Variants in SPTBN2 observed in about 807,000 individuals in gnomAD.
The protein encoded by SPTBN2 is spectrin beta, non-erythrocytic 2, also known as spectrin beta chain, non-erythrocytic 2.
SPTBN2 carries 107 observed loss-of-function variants against 284.2 expected under a neutral mutation model. That is an observed-to-expected ratio of 0.38 (90% CI 0.32 to 0.44). The LOEUF (loss-of-function observed/expected upper bound fraction) is 0.44. SPTBN2 is among the 20% of genes least tolerant of loss of function. The probability of loss-of-function intolerance (pLI) is 1.00; values close to 1 mark genes in which losing one functional copy is unlikely to be tolerated. For synonymous variants in SPTBN2, 1,289 were observed against 1,354.8 expected, an observed-to-expected ratio of 0.95 and a Z score of 1.07; for missense variants, 2,569 against 3,287.1, an observed-to-expected ratio of 0.78 and a Z score of 5.34.
rs866476391 is a variant in SPTBN2 at position 66,691,328 on chromosome 11, G to A, written c.5521C>T (p.Arg1841Ter). 1.3e-6 allele frequency: 2 copies of A among 1,553,118 alleles called. No individual in the cohort carries two copies. Among genetic ancestry groups the A allele is most frequent in the Non-Finnish European group, 8.7e-7 (1 of 1,145,630 alleles). ...ATGTCATGCTCGTAGGCACAGTGTC[G>A]GCGCTGCAGGGCCTCGGCAGCGTTG... is the stretch of plus-strand genomic sequence containing the variant. ...DLNAAEALQR[R>*]HCAYEHDIQA... The change falls in exon 27 of 38, where the codon CGA becomes TGA. Residue 1841 changes from arginine (R) to a stop codon, truncating the protein, a stop_gained. Coordinates refer to ENST00000533211, the MANE Select transcript of SPTBN2 (RefSeq NM_006946.4). LOFTEE classifies it high-confidence loss of function. The surrounding 1 kb of genome is among the most constrained non-coding windows in gnomAD (Gnocchi z 8.0).
chr11:66,738,982 A>AT (rs553267610), intron 1 of SPTBN2, among the ~76,000 whole-genome samples: 150 of 149,654 alleles, frequency 1.0e-3, no homozygotes, highest in Middle Eastern at 3.5e-3. Flanking sequence ...TGCCTAATTT[A>AT]TTTTTTGTAA....
In SPTBN2 at chr11:66,700,936, G is replaced by T. The variant is rs138022806; in HGVS notation, c.3163C>A (p.Arg1055=). 6.1e-5 allele frequency: 98 copies of T among 1,603,218 alleles called. No homozygotes were observed. The highest frequency in any genetic ancestry group is 3.3e-4 in the Middle Eastern group (2 of 6,064). ...TGWEDLRATM[R]RREESLGEAR... ...TCCCCCAGCGACTCTTCTCGACGCC[G>T]CATGGTGGCCCTGAGGTCCTCCCAG... The change falls in exon 17 of 38, where the codon CGG becomes AGG. Residue 1055 remains arginine, a synonymous_variant. Transcript: ENST00000533211. This position sits in a 1 kb window ranked among gnomAD's most constrained non-coding sequence, Gnocchi z 6.6.
chr11:66,694,738 T>G (rs1940807958), intron 21 of SPTBN2, among the ~76,000 whole-genome samples: 1 of 152,216 alleles, frequency 6.6e-6, no homozygotes, highest in Non-Finnish European at 1.5e-5. Context: ...TCATTGTCTC[T>G]CCATCCCCAA....
Position 66,700,453 on chromosome 11 carries a change from C to G in SPTBN2, c.3573+73G>C, listed in dbSNP as rs1164895205. 6.3e-7 allele frequency: 1 copy of G among 1,591,570 alleles called. No individual in the cohort carries two copies. The highest frequency in any genetic ancestry group is 2.2e-5 in the East Asian group (1 of 44,854). On this transcript the variant is annotated intron_variant, in intron 17 of 37. Coordinates refer to ENST00000533211, the MANE Select transcript of SPTBN2 (RefSeq NM_006946.4). This position sits in a 1 kb window ranked among gnomAD's most constrained non-coding sequence, Gnocchi z 6.6. ...TTGCTAGCATGTCCTTCCTGCCCAT[C>G]CTGCTCCTTCACATTTCCCCGGGTC... is the stretch of plus-strand genomic sequence containing the variant.
chr11:66,724,316 G>A (rs1472288918), intron 1 of SPTBN2, among the ~76,000 whole-genome samples: 1 of 152,090 alleles, frequency 6.6e-6, no homozygotes, highest in African/African-American at 2.4e-5. Flanking sequence ...CCAGCTACTC[G>A]GGAGGCTGAG....
At position 66,683,063 on chromosome 11, in the gene SPTBN2, A is replaced by ATTTTTT. The variant is rs55950324; in HGVS notation, c.*2802_*2807dup. 8.4e-5 allele frequency among the ~76,000 whole-genome samples: 8 copies of ATTTTTT among 95,736 alleles called. No homozygotes were observed. Among genetic ancestry groups the ATTTTTT allele is most frequent in the Non-Finnish European group, 9.3e-5 (5 of 53,984 alleles). 62.8% of individuals were successfully genotyped at this position (95,736 alleles called of 152,430 possible). On this transcript the variant is annotated 3_prime_UTR_variant, in exon 38 of 38. Coordinates refer to ENST00000533211, the MANE Select transcript of SPTBN2 (RefSeq NM_006946.4). ...ACCACCATGCCTGGCCAAGTAATCC[A>ATTTTTT]TTTTTTTTTTTTTTTTTTTTTTGAG...
At chr11:66,744,006 GC>G (rs1477909736) in intron 1 of SPTBN2, among the ~76,000 whole-genome samples, 1 of 151,984 alleles carries the variant, frequency 6.6e-6, no homozygotes, top group African/African-American at 2.4e-5. Flanking sequence ...GATTACAGGC[GC>G]CCGCCACCAC....
chr11:66,727,764 C>A (rs565417311), intron 1 of SPTBN2, among the ~76,000 whole-genome samples: 2 of 151,882 alleles, frequency 1.3e-5, no homozygotes, highest in East Asian at 3.9e-4. Context: ...TCCCGCAGTC[C>A]GCCGGGCAGA....
rs537901616 is a variant in SPTBN2, at chr11:66,719,096, C to A, written c.157+1988G>T. ...CTGGGTGACTCTGGGAGGTCCTTCT[C>A]CAGGATGTGTGGGCTTTGAGCCCCA... On this transcript the variant is annotated intron_variant, in intron 3 of 37. Coordinates refer to ENST00000533211, the MANE Select transcript of SPTBN2 (RefSeq NM_006946.4). Among the ~76,000 whole-genome samples the A allele has an allele frequency of 9.8e-5, 15 of 152,364 alleles. No homozygotes were observed. The South Asian group carries it at 2.9e-3, about 29-fold the overall frequency.
At position 66,685,667 on chromosome 11, in the gene SPTBN2, A is replaced by G; in HGVS notation, c.*204T>C. The G allele has an allele frequency of 1.7e-6, 1 of 594,780 alleles. No homozygotes were observed. Among genetic ancestry groups the G allele is most frequent in the South Asian group, 1.9e-5 (1 of 52,684 alleles). The allele number at this position is 594,780 out of a possible 1,614,324, so 36.8% of individuals were successfully genotyped here. A position where few individuals can be genotyped will look rare whatever the true frequency, so the allele number is the denominator to read the frequency against. On this transcript the variant is annotated 3_prime_UTR_variant, in exon 38 of 38. Coordinates refer to ENST00000533211, the MANE Select transcript of SPTBN2 (RefSeq NM_006946.4). The surrounding 1 kb of genome is among the most constrained non-coding windows in gnomAD (Gnocchi z 4.4). ...GAGAGGGGGTTACCTGGGTCCCACC[A>G]CCAGTCTGGAATTAAACAGCAGAAG...
At chr11:66,735,447 C>T (rs1353305697) in intron 1 of SPTBN2, among the ~76,000 whole-genome samples, 25 of 151,522 alleles carry the variant, frequency 1.6e-4, no homozygotes, top group Admixed American at 1.6e-3. Context: ...TGGTGGCTCA[C>T]GCCTGTAGCC....
rs55950324 is a variant in SPTBN2, at chr11:66,683,063, ATTTTTTTT to A, written c.*2800_*2807del. Among the ~76,000 whole-genome samples, 2 of 95,730 alleles carry A rather than the reference ATTTTTTTT, an allele frequency of 2.1e-5. No homozygotes were observed. Among genetic ancestry groups the A allele is most frequent in the Non-Finnish European group, 3.7e-5 (2 of 53,988 alleles). The allele number at this position is 95,730 out of a possible 152,430, so 62.8% of individuals were successfully genotyped here. On this transcript the variant is annotated 3_prime_UTR_variant, in exon 38 of 38. Coordinates refer to ENST00000533211, the MANE Select transcript of SPTBN2 (RefSeq NM_006946.4). ...ACCACCATGCCTGGCCAAGTAATCC[ATTTTTTTT>A]TTTTTTTTTTTTTTGAGATGGAGTC...
chr11:66,691,331 G>T lies in SPTBN2; in HGVS notation c.5518C>A (p.Arg1840Ser). 6.4e-7 allele frequency: 1 copy of T among 1,555,858 alleles called. No homozygotes were observed. Residue 1840 changes from arginine to serine, a missense_variant, in exon 27 of 38, where the codon CGC becomes AGC. Arg to Ser is a moderately radical substitution (Grantham distance 110, BLOSUM62 -1). Around this residue, in one of 6 missense-constraint regions of SPTBN2, gnomAD observed 1,130 missense variants for 1,317.3 expected, o/e 0.86. Coordinates refer to ENST00000533211, the MANE Select transcript of SPTBN2 (RefSeq NM_006946.4). This position sits in a 1 kb window ranked among gnomAD's most constrained non-coding sequence, Gnocchi z 8.0. ...RDLNAAEALQ[R>S]RHCAYEHDIQ... is the part of the protein sequence containing the mutation. ...TCATGCTCGTAGGCACAGTGTCGGCGCTGCAGGGCCTCGGCAGCGTTGAGG... is the reference window on the plus strand; with the variant it reads ...TCATGCTCGTAGGCACAGTGTCGGCTCTGCAGGGCCTCGGCAGCGTTGAGG...
chr11:66,710,537 G>T lies in SPTBN2; in HGVS notation c.1073+45C>A. The T allele has an allele frequency of 1.3e-6, 2 of 1,598,296 alleles. No individual in the cohort carries two copies. Among genetic ancestry groups the T allele is most frequent in the Non-Finnish European group, 1.7e-6 (2 of 1,171,322 alleles). ...GCTGTGCTAATTTAGGCTTCCTCTC[G>T]TGGGAGCACAGCTCAGGGAAGGGTG... On this transcript the variant is annotated intron_variant, in intron 10 of 37. Coordinates refer to ENST00000533211, the MANE Select transcript of SPTBN2 (RefSeq NM_006946.4). The surrounding 1 kb of genome is among the most constrained non-coding windows in gnomAD (Gnocchi z 4.9).
intron 21 of SPTBN2, among the ~76,000 whole-genome samples, chr11:66,695,285 T>G (rs956439127): frequency 2.6e-5 from 4 of 152,210 alleles, no homozygotes; most frequent in African/African-American, 9.7e-5. Context: ...GAGACAAGTC[T>G]CGCTCTGCCA....
chr11:66,725,801 G>A (rs542820808), intron 1 of SPTBN2, among the ~76,000 whole-genome samples: 2 of 152,290 alleles, frequency 1.3e-5, no homozygotes, highest in Admixed American at 6.5e-5. Flanking sequence ...TCACCGTGCC[G>A]ATCCTCCAGG....
chr11:66,707,549 C>T lies in SPTBN2; in HGVS notation c.1620G>A (p.Leu540=), dbSNP rs978837152. Residue 540 remains leucine (L), a synonymous_variant, in exon 13 of 38, where the codon CTG becomes CTA. Transcript: ENST00000533211. The surrounding 1 kb of genome is among the most constrained non-coding windows in gnomAD (Gnocchi z 4.9). ...CTTCCATCCAGTCCATGAGGTAGAG[C>T]AGGTCCTGGAACACCTTCTGCAGCT... is the stretch of plus-strand genomic sequence containing the variant. ...NLELQKVFQD[L]LYLMDWMEEM... is the part of the protein sequence containing the mutation. 5.0e-6 allele frequency: 8 copies of T among 1,610,330 alleles called. No individual in the cohort carries two copies. The African/African-American group carries it at 1.1e-4, about 21-fold the overall frequency.
rs1303035678 is a variant in SPTBN2 at position 66,707,850 on chromosome 11, G to A, written c.1351-32C>T. 2 of 1,602,836 alleles carry A rather than the reference G, an allele frequency of 1.2e-6. No individual in the cohort carries two copies. The highest frequency in any genetic ancestry group is 2.2e-5 in the East Asian group (1 of 44,856). The stretch of plus-strand genomic sequence containing the variant: ...CGGGGGCAGGGAGAGGAGGTGTGGG[G>A]ACCAAGGGACAGTGCCTCTGCCTGC... On this transcript the variant is annotated intron_variant, in intron 12 of 37. Transcript: ENST00000533211. This position sits in a 1 kb window ranked among gnomAD's most constrained non-coding sequence, Gnocchi z 4.9.
chr11:66,737,717 G>A (rs1942863688), intron 1 of SPTBN2, among the ~76,000 whole-genome samples: 1 of 152,142 alleles, frequency 6.6e-6, no homozygotes, highest in African/African-American at 2.4e-5. Context: ...ATAGAGAGGT[G>A]AAGTACGTCA....
Sources: allele counts gnomAD v4.1 joint callset (sites outside exome capture counted in the v4.1 genomes callset), GRCh38; gene constraint gnomAD v4.1.1; regional missense constraint gnomAD v4.1.1; non-coding constraint Gnocchi (gnomAD v3.1); transcripts MANE v1.5; gene names NCBI Gene and HGNC (gene_info 2026-07-23, HGNC 2026-07-21).